Variants in GRM5 observed in about 807,000 individuals in gnomAD.
The protein encoded by GRM5 is metabotropic glutamate receptor 5.
In GRM5, 19 loss-of-function variants were observed where a neutral mutation model predicts 83.1. The observed-to-expected ratio is 0.23, with a 90% confidence interval of 0.16 to 0.34. The LOEUF (loss-of-function observed/expected upper bound fraction) is 0.34. Among genes scored for constraint, GRM5 ranks in the 10% least tolerant of loss-of-function variants. The probability of loss-of-function intolerance (pLI) is 1.00; values close to 1 mark genes in which losing one functional copy is unlikely to be tolerated. For synonymous variants in GRM5, 675 were observed against 633.6 expected (o/e 1.07, Z -0.98); for missense variants, 1,160 against 1,588.3 (o/e 0.73, Z 4.58).
chr11:88,786,539 C>T (rs771883717), intron 3 of GRM5, among the ~76,000 whole-genome samples: 10 of 152,088 alleles, frequency 6.6e-5, no homozygotes, highest in Admixed American at 1.3e-4. Flanking sequence ...TTGCTACTTG[C>T]GCAATGTGTG....
intron 4 of GRM5, among the ~76,000 whole-genome samples, chr11:88,638,716 G>T (rs1171014305): frequency 1.3e-5 from 2 of 152,064 alleles, no homozygotes; most frequent in Non-Finnish European, 2.9e-5. Context: ...TTGGTAGAAT[G>T]TTAATTTCAA....
At position 89,018,475 on chromosome 11, in the gene GRM5, A is replaced by C. The variant is rs912225659; in HGVS notation, c.661+28737T>G. ...CCCTTCAGTTACTAATTCATTAAAA[A>C]ATGCATTTATTTGTTCTAACATTGA... On this transcript the variant is annotated intron_variant, in intron 2 of 9. Transcript: ENST00000305447. 3.9e-5 allele frequency among the ~76,000 whole-genome samples: 6 copies of C among 152,352 alleles called. No homozygotes were observed. The South Asian group carries it at 8.3e-4, about 21-fold the overall frequency.
intron 2 of GRM5, among the ~76,000 whole-genome samples, chr11:89,009,790 A>G (rs1178540249): frequency 6.7e-6 from 1 of 148,620 alleles, no homozygotes; most frequent in African/African-American, 2.5e-5. Context: ...AGTCCCAGCT[A>G]CTCGGGAGGC....
At chr11:88,990,992 A>G (rs1171705976) in intron 2 of GRM5, among the ~76,000 whole-genome samples, 1 of 152,198 alleles carries the variant, frequency 6.6e-6, no homozygotes, top group East Asian at 1.9e-4. Flanking sequence ...TATTCAACAT[A>G]GTGTTGGAAA....
intron 2 of GRM5, among the ~76,000 whole-genome samples, chr11:89,012,327 A>G (rs574747660): frequency 6.6e-6 from 1 of 152,280 alleles, no homozygotes; most frequent in East Asian, 1.9e-4. Flanking sequence ...CCTCATGCCA[A>G]TGAAGTAGGT....
At chr11:88,543,892 GT>G (rs1259473103) in intron 8 of GRM5, among the ~76,000 whole-genome samples, 1 of 152,182 alleles carries the variant, frequency 6.6e-6, no homozygotes, top group East Asian at 1.9e-4. Flanking sequence ...AAGTTCACGT[GT>G]TGAAAACTTA....
intron 1 of GRM5, among the ~76,000 whole-genome samples, chr11:89,051,131 A>G (rs1449958555): frequency 6.6e-6 from 1 of 151,868 alleles, no homozygotes; most frequent in East Asian, 1.9e-4. Flanking sequence ...AAAAAAGAAA[A>G]GATAGTCCCA....
chr11:88,613,681 A>G (rs1565154317), intron 4 of GRM5, among the ~76,000 whole-genome samples: 1 of 152,122 alleles, frequency 6.6e-6, no homozygotes, highest in Non-Finnish European at 1.5e-5. Flanking sequence ...GCCCATTTAC[A>G]CTCAGGATAT....
At chr11:88,894,636 C>T (rs567278812) in intron 2 of GRM5, among the ~76,000 whole-genome samples, 6 of 150,086 alleles carry the variant, frequency 4.0e-5, no homozygotes, top group Non-Finnish European at 8.9e-5. Flanking sequence ...ATGGCAGAAT[C>T]GGTTTTATCT....
At chr11:88,668,929 T>G (rs1940122158) in intron 3 of GRM5, among the ~76,000 whole-genome samples, 1 of 152,194 alleles carries the variant, frequency 6.6e-6, no homozygotes, top group African/African-American at 2.4e-5. Flanking sequence ...GACATTATGT[T>G]ATTTCACTTA....
intron 2 of GRM5, among the ~76,000 whole-genome samples, chr11:88,942,405 A>G (rs1235466392): frequency 6.6e-6 from 1 of 151,942 alleles, no homozygotes; most frequent in Non-Finnish European, 1.5e-5. Flanking sequence ...AACTAAAAAC[A>G]AATAGAACAG....
At chr11:88,571,025 C>G (rs1219024210) in intron 7 of GRM5, among the ~76,000 whole-genome samples, 1 of 152,034 alleles carries the variant, frequency 6.6e-6, no homozygotes, top group Non-Finnish European at 1.5e-5. Flanking sequence ...GTATATAGGG[C>G]AGGAATCTTT....
chr11:88,885,987 CATA>C (rs1945038820), intron 2 of GRM5, among the ~76,000 whole-genome samples: 1 of 152,128 alleles, frequency 6.6e-6, no homozygotes, highest in Non-Finnish European at 1.5e-5. Context: ...AGCCTATTTG[CATA>C]ATAAGATTAA....
chr11:88,952,170 T>G (rs1333734637), intron 2 of GRM5, among the ~76,000 whole-genome samples: 3 of 152,144 alleles, frequency 2.0e-5, no homozygotes, highest in African/African-American at 7.2e-5. Context: ...CAATGTTCTC[T>G]GCGTTTTCTT....
chr11:88,925,753 A>G (rs1229445555), intron 2 of GRM5: 1 of 453,678 alleles, frequency 2.2e-6, no homozygotes, highest in East Asian at 7.0e-5. Flanking sequence ...CTCTACTAAA[A>G]ATACAAAAAT....
At chr11:88,529,588 G>T (rs1236186286) in intron 8 of GRM5, among the ~76,000 whole-genome samples, 1 of 151,884 alleles carries the variant, frequency 6.6e-6, no homozygotes, top group South Asian at 2.1e-4. Context: ...ATTATGAGAT[G>T]TCATTGTGGA....
intron 2 of GRM5, among the ~76,000 whole-genome samples, chr11:88,859,387 T>C (rs1944526338): frequency 6.6e-6 from 1 of 152,074 alleles, no homozygotes; most frequent in African/African-American, 2.4e-5. Flanking sequence ...TACAGGATTT[T>C]TTTATAATCA....
At chr11:88,968,900 G>A (rs1939077258) in intron 2 of GRM5, among the ~76,000 whole-genome samples, 1 of 152,122 alleles carries the variant, frequency 6.6e-6, no homozygotes, top group Non-Finnish European at 1.5e-5. Flanking sequence ...TCTCTTGGCT[G>A]TGGATAGCCA....
chr11:88,765,821 A>G (rs1942615832), intron 3 of GRM5, among the ~76,000 whole-genome samples: 1 of 151,846 alleles, frequency 6.6e-6, no homozygotes, highest in South Asian at 2.1e-4. Context: ...GCACAGGCAC[A>G]ACAACAAAAA....
Sources: allele counts gnomAD v4.1 joint callset (sites outside exome capture counted in the v4.1 genomes callset), GRCh38; gene constraint gnomAD v4.1.1; transcripts MANE v1.5; gene names NCBI Gene and HGNC (gene_info 2026-07-23, HGNC 2026-07-21).